The following KCNC2 variants were observed in gnomAD, a reference collection of about 807,000 sequenced individuals.
The protein encoded by KCNC2 is potassium voltage-gated channel subfamily C member 2.
KCNC2 carries 21 observed loss-of-function variants against 44.5 expected under a neutral mutation model. The ratio of observed to expected loss-of-function variants is 0.47; its 90% CI spans 0.33 to 0.68. The LOEUF is 0.68. Ranked by LOEUF, KCNC2 falls within the 30% of genes least tolerant of loss-of-function variation. KCNC2 has a pLI of 0.01. For synonymous variants in KCNC2, 391 were observed against 339.1 expected (o/e 1.15, Z -1.68); for missense variants, 589 against 826.2 (o/e 0.71, Z 3.52).
chr12:75,116,323 A>G (rs1161107252), intron 2 of KCNC2, among the ~76,000 whole-genome samples: 6 of 152,192 alleles, frequency 3.9e-5, no homozygotes, highest in Admixed American at 3.9e-4. Flanking sequence ...AGAGAATATC[A>G]GAAGAAAATG....
intron 2 of KCNC2, among the ~76,000 whole-genome samples, chr12:75,166,992 C>T (rs1891501312): frequency 6.6e-6 from 1 of 150,746 alleles, no homozygotes; most frequent in South Asian, 2.1e-4. Flanking sequence ...TCAACAAAAC[C>T]AAAATTTAGT....
At chr12:75,089,572 G>GA (rs1181678568) in intron 2 of KCNC2, among the ~76,000 whole-genome samples, 9 of 151,758 alleles carry the variant, frequency 5.9e-5, no homozygotes, top group Non-Finnish European at 7.4e-5. Flanking sequence ...TAACATCAAT[G>GA]AAAAAATATG....
chr12:75,077,613 T>C (rs1304299872), intron 2 of KCNC2, among the ~76,000 whole-genome samples: 2 of 152,210 alleles, frequency 1.3e-5, no homozygotes, highest in African/African-American at 2.4e-5. Context: ...CTCCAAGATA[T>C]ACCTTTATTT....
intron 2 of KCNC2, among the ~76,000 whole-genome samples, chr12:75,153,520 GGTATATT>G (rs1890551195): frequency 1.3e-5 from 2 of 151,596 alleles, no homozygotes; most frequent in African/African-American, 4.8e-5. Flanking sequence ...ATGGGTACAA[GGTATATT>G]ACTTAGTGAT....
chr12:75,104,996 A>AG (rs2095917953), intron 2 of KCNC2, among the ~76,000 whole-genome samples: 3 of 152,198 alleles, frequency 2.0e-5, no homozygotes, highest in Non-Finnish European at 4.4e-5. Flanking sequence ...AATTAAGCAA[A>AG]GATCAAAAAA....
At chr12:75,186,092 TAAAA>T (rs1156688030) in intron 2 of KCNC2, among the ~76,000 whole-genome samples, 2 of 143,372 alleles carry the variant, frequency 1.4e-5, no homozygotes, top group Non-Finnish European at 3.1e-5. Flanking sequence ...AATAAATAAA[TAAAA>T]ATTTTATTGT....
chr12:75,159,201 C>T (rs578103097), intron 2 of KCNC2, among the ~76,000 whole-genome samples: 7 of 151,538 alleles, frequency 4.6e-5, no homozygotes, highest in African/African-American at 1.4e-4. Flanking sequence ...CAAACCACCA[C>T]GGCACATGTA....
At chr12:75,192,581 T>C (rs2030388458) in intron 2 of KCNC2, among the ~76,000 whole-genome samples, 1 of 152,244 alleles carries the variant, frequency 6.6e-6, no homozygotes, top group Non-Finnish European at 1.5e-5. Flanking sequence ...GAATTTTTCA[T>C]TTACTGTTAG....
intron 2 of KCNC2, among the ~76,000 whole-genome samples, chr12:75,158,251 A>C (rs958783642): frequency 6.6e-6 from 1 of 151,960 alleles, no homozygotes; most frequent in Non-Finnish European, 1.5e-5. Flanking sequence ...ATAAGCCAAA[A>C]AATGTTGTTC....
At chr12:75,174,326 G>T (rs932898074) in intron 2 of KCNC2, among the ~76,000 whole-genome samples, 1 of 151,446 alleles carries the variant, frequency 6.6e-6, no homozygotes, top group African/African-American at 2.4e-5. Context: ...CTAAATATGT[G>T]GCTAAAATGT....
chr12:75,096,159 A>C (rs981918081), intron 2 of KCNC2, among the ~76,000 whole-genome samples: 1 of 151,996 alleles, frequency 6.6e-6, no homozygotes, highest in Non-Finnish European at 1.5e-5. Flanking sequence ...TGCCACTTTC[A>C]AGTCAACTGC....
intron 2 of KCNC2, among the ~76,000 whole-genome samples, chr12:75,164,117 G>A (rs1891295873): frequency 6.6e-6 from 1 of 151,638 alleles, no homozygotes; most frequent in Non-Finnish European, 1.5e-5. Flanking sequence ...CTAGTTTCAA[G>A]TTGGTCATTT....
chr12:75,124,206 T>C (rs1888241020), intron 2 of KCNC2: 1 of 152,192 alleles, frequency 6.6e-6, no homozygotes, highest in Non-Finnish European at 1.5e-5. Context: ...AACAGACATA[T>C]GATTAATCTA....
rs2446320 is a variant in KCNC2 at position 75,209,436 on chromosome 12, G to A, written c.-249C>T. 0.062 allele frequency: 9,370 copies of A among 152,320 alleles called. 981 individuals carry two copies. The highest frequency in any genetic ancestry group is 0.21 in the African/African-American group (8,889 of 41,500). The allele number at this position is 152,320 out of a possible 1,614,324, so 9.4% of individuals were successfully genotyped here. On this transcript the variant is annotated 5_prime_UTR_variant, in exon 1 of 5. It introduces an in-frame stop codon into an upstream open reading frame of the 5' UTR. Transcript: ENST00000549446. Reference sequence around the variant, plus strand: ...GCTCCCCGCCTTCATTCTGTGATCTGCGGATTTGCCAGTCGCCAACCTCCG... The same window carrying A: ...GCTCCCCGCCTTCATTCTGTGATCTACGGATTTGCCAGTCGCCAACCTCCG...
At chr12:75,070,004 GATTT>G (rs1343477232) in intron 2 of KCNC2, among the ~76,000 whole-genome samples, 1 of 152,168 alleles carries the variant, frequency 6.6e-6, no homozygotes, top group Admixed American at 6.5e-5. Flanking sequence ...AAAAGTGGGA[GATTT>G]ATCTCTCTGG....
chr12:75,102,606 TA>T (rs1303464337), intron 2 of KCNC2, among the ~76,000 whole-genome samples: 36 of 152,264 alleles, frequency 2.4e-4, no homozygotes, highest in South Asian at 4.1e-4. Flanking sequence ...GCAACATTCT[TA>T]ATTATACATT....
At chr12:75,200,391 C>T (rs1266545906) in intron 2 of KCNC2, among the ~76,000 whole-genome samples, 1 of 151,702 alleles carries the variant, frequency 6.6e-6, no homozygotes, top group African/African-American at 2.4e-5. Flanking sequence ...GCATAAACAC[C>T]AGAAGTCTAT....
At chr12:75,195,359 GA>G (rs573787848) in intron 2 of KCNC2, among the ~76,000 whole-genome samples, 8 of 151,862 alleles carry the variant, frequency 5.3e-5, no homozygotes, top group African/African-American at 1.4e-4. Flanking sequence ...AAATATAAAA[GA>G]AAAAAATCAC....
intron 2 of KCNC2, among the ~76,000 whole-genome samples, chr12:75,122,734 T>C (rs977104188): frequency 6.6e-6 from 1 of 152,150 alleles, no homozygotes; most frequent in Admixed American, 6.6e-5. Flanking sequence ...AAATATTCAT[T>C]ATCATCTAGT....
Sources: allele counts gnomAD v4.1 joint callset (sites outside exome capture counted in the v4.1 genomes callset), GRCh38; gene constraint gnomAD v4.1.1; transcripts MANE v1.5; gene names NCBI Gene and HGNC (gene_info 2026-07-23, HGNC 2026-07-21).